Variants in EBF1 observed in about 807,000 individuals in gnomAD.
The protein encoded by EBF1 is transcription factor COE1.
In EBF1, 10 loss-of-function variants were observed where a neutral mutation model predicts 68.4. That is an observed-to-expected ratio of 0.15 (90% CI 0.09 to 0.25). The LOEUF (loss-of-function observed/expected upper bound fraction) is 0.25, where lower values mean the gene tolerates loss of function less well. Among genes scored for constraint, EBF1 ranks in the 10% least tolerant of loss-of-function variants. EBF1 has a pLI of 1.00. For missense variants in EBF1, 509 were observed against 794.4 expected, an observed-to-expected ratio of 0.64 and a Z score of 4.32; for synonymous variants, 298 against 299.8, an observed-to-expected ratio of 0.99 and a Z score of 0.06.
intron 6 of EBF1, among the ~76,000 whole-genome samples, chr5:158,935,288 T>A (rs1811746333): frequency 6.6e-6 from 1 of 152,040 alleles, no homozygotes; most frequent in African/African-American, 2.4e-5. Context: ...AGGGCACAGT[T>A]AAGGTGAACT....
At chr5:158,795,818 T>C (rs17056239) in intron 9 of EBF1, among the ~76,000 whole-genome samples, 4,248 of 152,270 alleles carry the variant, frequency 0.028, 202 homozygotes, top group African/African-American at 0.097. Flanking sequence ...TGTAAATTCC[T>C]AGAGCTAGAA....
At chr5:158,831,907 A>G (rs533198966) in intron 7 of EBF1, among the ~76,000 whole-genome samples, 3 of 152,308 alleles carry the variant, frequency 2.0e-5, no homozygotes, top group East Asian at 1.9e-4. Flanking sequence ...AGTTTGGTGT[A>G]TGTGGGGAAG....
At chr5:159,002,710 C>T (rs1364996259) in intron 6 of EBF1, among the ~76,000 whole-genome samples, 2 of 152,054 alleles carry the variant, frequency 1.3e-5, no homozygotes, top group Non-Finnish European at 2.9e-5. Context: ...AGGATGAAGC[C>T]ATATAGGCAC....
At chr5:158,920,834 C>T (rs748971606) in intron 6 of EBF1, among the ~76,000 whole-genome samples, 1 of 152,132 alleles carries the variant, frequency 6.6e-6, no homozygotes, top group Non-Finnish European at 1.5e-5. Context: ...CTGGCACCAG[C>T]GTGACTCCCT....
chr5:159,002,023 C>G (rs775716646), intron 6 of EBF1, among the ~76,000 whole-genome samples: 17 of 152,054 alleles, frequency 1.1e-4, no homozygotes, highest in Non-Finnish European at 1.6e-4. Flanking sequence ...ACTTCTAATT[C>G]AATTTTGTAA....
At chr5:158,823,081 G>C in intron 8 of EBF1, 95 bp downstream of exon 8, 2 of 1,552,044 alleles carry the variant, frequency 1.3e-6, no homozygotes, top group Non-Finnish European at 1.8e-6. Context: ...TTTGAAATTT[G>C]AAACAGAATA....
At chr5:158,730,954 C>CA in intron 11 of EBF1, 115 bp downstream of exon 11, 1 of 969,798 alleles carries the variant, frequency 1.0e-6, no homozygotes, top group South Asian at 1.6e-5. Flanking sequence ...ACCAAACACA[C>CA]AAAACACAAA....
intron 6 of EBF1, among the ~76,000 whole-genome samples, chr5:159,061,734 T>TG (rs934212411): frequency 2.0e-5 from 3 of 149,446 alleles, no homozygotes; most frequent in East Asian, 2.0e-4. Context: ...GTTTTGTTTT[T>TG]TTTTTTTTTA....
chr5:158,713,763 C>A (rs1760006260), intron 12 of EBF1, among the ~76,000 whole-genome samples: 1 of 151,934 alleles, frequency 6.6e-6, no homozygotes, highest in African/African-American at 2.4e-5. Context: ...CCTTGCTATA[C>A]TTTTTGGAGA....
chr5:158,937,624 G>C (rs969733028), intron 6 of EBF1, among the ~76,000 whole-genome samples: 2 of 152,202 alleles, frequency 1.3e-5, no homozygotes, highest in South Asian at 2.1e-4. Flanking sequence ...CTGAATATCA[G>C]GGCAACCTTC....
In EBF1 at chr5:158,712,146, C is replaced by G. The variant is rs1759504680; in HGVS notation, c.1549+8G>C. On this transcript the variant is annotated splice_region_variant and intron_variant, in intron 14 of 15. Coordinates refer to ENST00000313708, the MANE Select transcript of EBF1 (RefSeq NM_024007.5). ...GTGCAGGAACGCAGGATATGCATCT[C>G]TACTTACTGGCATAGGGGGAGTTGG... 2 of 1,613,338 alleles carry G rather than the reference C, an allele frequency of 1.2e-6. No homozygotes were observed. Among genetic ancestry groups the G allele is most frequent in the South Asian group, 2.2e-5 (2 of 90,842 alleles).
intron 9 of EBF1, among the ~76,000 whole-genome samples, chr5:158,780,574 C>G (rs1776255740): frequency 6.6e-6 from 1 of 152,014 alleles, no homozygotes; most frequent in Non-Finnish European, 1.5e-5. Flanking sequence ...AAACTGATAT[C>G]AACTGCAAAA....
chr5:159,097,770 T>C (rs1221874430), intron 1 of EBF1: 3 of 233,284 alleles, frequency 1.3e-5, no homozygotes, highest in African/African-American at 6.6e-5. Context: ...AGACCTGTCC[T>C]AACAAAGTTT....
At chr5:158,888,104 C>T (rs1800403943) in intron 6 of EBF1, among the ~76,000 whole-genome samples, 1 of 152,142 alleles carries the variant, frequency 6.6e-6, no homozygotes, top group Non-Finnish European at 1.5e-5. Context: ...CTTTTCTCAT[C>T]AAAACCTTAC....
chr5:158,964,863 AT>A (rs1380516898), intron 6 of EBF1, among the ~76,000 whole-genome samples: 2 of 152,230 alleles, frequency 1.3e-5, no homozygotes, highest in African/African-American at 2.4e-5. Context: ...AAGTAAAAAA[AT>A]AATATGAATT....
intron 6 of EBF1, among the ~76,000 whole-genome samples, chr5:158,864,931 C>G (rs1358415609): frequency 6.6e-6 from 1 of 152,136 alleles, no homozygotes; most frequent in African/African-American, 2.4e-5. Flanking sequence ...ATGGTCCTTC[C>G]CATATGAGCT....
intron 6 of EBF1, among the ~76,000 whole-genome samples, chr5:158,858,534 G>A (rs1285769615): frequency 2.6e-5 from 4 of 152,204 alleles, no homozygotes; most frequent in African/African-American, 9.6e-5. Context: ...AGGCTTAAGG[G>A]ACAAACATTT....
chr5:158,785,684 A>G (rs1180887925), intron 9 of EBF1, among the ~76,000 whole-genome samples: 2 of 152,258 alleles, frequency 1.3e-5, no homozygotes, highest in Non-Finnish European at 2.9e-5. Context: ...GCTGAGTCAC[A>G]TGAATCCTTA....
chr5:159,027,106 T>C (rs1584056170), intron 6 of EBF1, among the ~76,000 whole-genome samples: 1 of 152,266 alleles, frequency 6.6e-6, no homozygotes, highest in East Asian at 1.9e-4. Flanking sequence ...AGGAAGAGGG[T>C]ATGTCCAGCA....
Sources: gnomAD v4.1 joint callset for allele counts (sites outside exome capture counted in the v4.1 genomes callset) on GRCh38, gnomAD v4.1.1 for gene constraint, MANE v1.5 for transcripts, NCBI Gene and HGNC (gene_info 2026-07-23, HGNC 2026-07-21) for gene names.